CNTNAP4: variants seen among roughly 807,000 people sequenced by gnomAD.
CNTNAP4 encodes contactin associated protein family member 4.
CNTNAP4 carries 98 observed loss-of-function variants against 148.4 expected under a neutral mutation model. The ratio of observed to expected loss-of-function variants is 0.66; its 90% confidence interval spans 0.56 to 0.78. The LOEUF (loss-of-function observed/expected upper bound fraction) is 0.78. Ranked by LOEUF, CNTNAP4 falls within the 30% of genes least tolerant of loss-of-function variation. The probability of loss-of-function intolerance (pLI) is 0.00; values close to 1 mark genes in which losing one functional copy is unlikely to be tolerated. For missense variants in CNTNAP4, 1,935 were observed against 1,565.6 expected, an observed-to-expected ratio of 1.24 and a Z score of -3.98; for synonymous variants, 730 against 565.1, an observed-to-expected ratio of 1.29 and a Z score of -4.14.
At chr16:76,555,769 C>T (rs1357994983) in intron 23 of CNTNAP4, among the ~76,000 whole-genome samples, 2 of 152,190 alleles carry the variant, frequency 1.3e-5, no homozygotes, top group Non-Finnish European at 1.5e-5. Context: ...GAAATTCTCA[C>T]TTAGCTCAAA....
rs2081329134 is a variant in CNTNAP4 at position 76,470,498 on chromosome 16, A to ATATATATATATATATATATATATATAT, written c.1655+2975_1655+2976insTATATATATATATATATATATATATAT. On this transcript the variant is annotated intron_variant, in intron 10 of 23. Coordinates refer to ENST00000611870, the MANE Select transcript of CNTNAP4 (RefSeq NM_033401.5). ...TCTACTAATAATATATATATATATA[A>ATATATATATATATATATATATATATAT]AATTAGTCGGGCATGGTGGCACATG... 9.2e-5 allele frequency among the ~76,000 whole-genome samples: 3 copies of ATATATATATATATATATATATATATAT among 32,574 alleles called. No homozygotes were observed. In the South Asian group the frequency reaches 5.2e-3, roughly 57 times the overall value. 21.4% of individuals were successfully genotyped at this position (32,574 alleles called of 152,430 possible).
rs897323202 is a variant in CNTNAP4 at position 76,493,846 on chromosome 16, G to C, written c.2081-1064G>C. Among the ~76,000 whole-genome samples, 4 of 152,258 alleles carry C rather than the reference G, an allele frequency of 2.6e-5. 1 individual carries two copies. Among genetic ancestry groups the C allele is most frequent in the Admixed American group, 2.6e-4 (4 of 15,286 alleles). ...TGGCATGTATAGTAACCCTGGGAGAGAGCTTGTCAGCATTAGCATGGGGCT... is the reference window on the plus strand; with the variant it reads ...TGGCATGTATAGTAACCCTGGGAGACAGCTTGTCAGCATTAGCATGGGGCT... On this transcript the variant is annotated intron_variant, in intron 13 of 23. Transcript: ENST00000611870.
intron 2 of CNTNAP4, among the ~76,000 whole-genome samples, chr16:76,354,458 C>T (rs1306011728): frequency 1.3e-5 from 2 of 152,096 alleles, no homozygotes; most frequent in Non-Finnish European, 2.9e-5. Context: ...TCTATGATTT[C>T]CTTGGTTCTC....
rs1237981008 is a variant in CNTNAP4, at chr16:76,505,247, C to T, written c.2365+6553C>T. 4.8e-5 allele frequency among the ~76,000 whole-genome samples: 2 copies of T among 41,248 alleles called. 1 individual carries two copies. The highest frequency in any genetic ancestry group is 3.2e-4 in the Non-Finnish European group (2 of 6,306). The allele number at this position is 41,248 out of a possible 152,430, so 27.1% of individuals were successfully genotyped here. A position where few individuals can be genotyped will look rare whatever the true frequency, so the allele number is the denominator to read the frequency against. On this transcript the variant is annotated intron_variant, in intron 15 of 23. Coordinates refer to ENST00000611870, the MANE Select transcript of CNTNAP4 (RefSeq NM_033401.5). ...TCAACTAGTGAAAGGATACACGTTC[C>T]ATTTTACTGTGGTGTACCCACAATA...
intron 3 of CNTNAP4, among the ~76,000 whole-genome samples, chr16:76,398,472 A>G (rs1444532367): frequency 2.0e-5 from 3 of 152,156 alleles, no homozygotes; most frequent in Non-Finnish European, 4.4e-5. Flanking sequence ...CCAGCCATGG[A>G]CACTGAGGTT....
intron 23 of CNTNAP4, chr16:76,557,628 C>G (rs1165275008): frequency 6.6e-6 from 1 of 152,134 alleles, no homozygotes; most frequent in Admixed American, 6.5e-5. Flanking sequence ...ATGTTTTCTA[C>G]TTCATGAATT....
intron 2 of CNTNAP4, among the ~76,000 whole-genome samples, chr16:76,334,752 G>A (rs1963872979): frequency 6.6e-6 from 1 of 152,102 alleles, no homozygotes; most frequent in African/African-American, 2.4e-5. Flanking sequence ...ATTTTTTAGT[G>A]GCTTTGGACG....
chr16:76,352,373 G>A (rs191039986), intron 2 of CNTNAP4, among the ~76,000 whole-genome samples: 2 of 152,242 alleles, frequency 1.3e-5, no homozygotes, highest in East Asian at 3.9e-4. Context: ...TACAGGGAGG[G>A]AAGTTGACCC....
chr16:76,374,446 A>G (rs2015198036), intron 3 of CNTNAP4, among the ~76,000 whole-genome samples: 2 of 152,176 alleles, frequency 1.3e-5, no homozygotes, highest in Admixed American at 6.5e-5. Flanking sequence ...TCAATTTCTG[A>G]TCCTTAAATC....
intron 1 of CNTNAP4, among the ~76,000 whole-genome samples, chr16:76,315,817 A>C (rs1018180119): frequency 6.7e-6 from 1 of 150,080 alleles, no homozygotes; most frequent in Non-Finnish European, 1.5e-5. Context: ...CTTGTCTTGA[A>C]CTCCTGACAT....
chr16:76,331,378 C>G lies in CNTNAP4; in HGVS notation c.196+14855C>G, dbSNP rs970391774. ...AATTTTTTGTATTTTTTAGTAGAGG[C>G]AGGGTTTCACAGTGTTAGCCAGGAT... On this transcript the variant is annotated intron_variant, in intron 2 of 23. Transcript: ENST00000611870. 2.6e-5 allele frequency among the ~76,000 whole-genome samples: 4 copies of G among 151,776 alleles called. No homozygotes were observed. The South Asian group carries it at 6.2e-4, about 24-fold the overall frequency.
At chr16:76,293,767 A>G (rs1342891935) in intron 1 of CNTNAP4, among the ~76,000 whole-genome samples, 2 of 151,966 alleles carry the variant, frequency 1.3e-5, no homozygotes. Context: ...GAAATAGTAC[A>G]AGCAAGTGGC....
At chr16:76,556,075 A>G (rs927015948) in intron 23 of CNTNAP4, among the ~76,000 whole-genome samples, 3 of 152,166 alleles carry the variant, frequency 2.0e-5, no homozygotes, top group African/African-American at 4.8e-5. Context: ...TAACCCATCC[A>G]AGGATTTTCC....
chr16:76,486,427 G>A (rs892116457), intron 12 of CNTNAP4, among the ~76,000 whole-genome samples: 2 of 152,120 alleles, frequency 1.3e-5, no homozygotes, highest in Non-Finnish European at 1.5e-5. Flanking sequence ...TGCATACGGA[G>A]GCAACACTGG....
chr16:76,314,594 T>G (rs1320214813), intron 1 of CNTNAP4, among the ~76,000 whole-genome samples: 1 of 152,224 alleles, frequency 6.6e-6, no homozygotes, highest in Non-Finnish European at 1.5e-5. Flanking sequence ...TTAGGGATGC[T>G]TTTGTTCTCA....
chr16:76,502,859 A>G (rs1180288116), intron 15 of CNTNAP4, among the ~76,000 whole-genome samples: 1 of 152,138 alleles, frequency 6.6e-6, no homozygotes, highest in Non-Finnish European at 1.5e-5. Context: ...ATTTTCTCAC[A>G]CAAACGAGAG....
chr16:76,346,805 A>G (rs1211678039), intron 2 of CNTNAP4, among the ~76,000 whole-genome samples: 3 of 152,190 alleles, frequency 2.0e-5, no homozygotes, highest in African/African-American at 7.2e-5. Context: ...AATCAAATAC[A>G]CAAATCAAAA....
At chr16:76,552,259 A>T (rs1028032574) in intron 21 of CNTNAP4, among the ~76,000 whole-genome samples, 28 of 152,248 alleles carry the variant, frequency 1.8e-4, no homozygotes, top group African/African-American at 5.5e-4. Context: ...CACCTCCCAC[A>T]GGGTCCCTCC....
chr16:76,430,455 C>T (rs755966303), intron 4 of CNTNAP4, among the ~76,000 whole-genome samples: 10 of 152,078 alleles, frequency 6.6e-5, no homozygotes, highest in African/African-American at 2.2e-4. Context: ...GTCTGCAACT[C>T]CCTTAAGTAG....
Sources: allele counts gnomAD v4.1 joint callset (sites outside exome capture counted in the v4.1 genomes callset), GRCh38; gene constraint gnomAD v4.1.1; transcripts MANE v1.5; gene names NCBI Gene and HGNC (gene_info 2026-07-23, HGNC 2026-07-21).